ARHGEF40: variants seen among roughly 807,000 people sequenced by gnomAD.
ARHGEF40 encodes Rho guanine nucleotide exchange factor 40, also known as Rho guanine nucleotide exchange factor (GEF) 40.
Under a neutral mutation model 165.9 loss-of-function variants are expected in ARHGEF40, and 98 were observed. The ratio of observed to expected loss-of-function variants is 0.59; its 90% CI spans 0.50 to 0.70. The LOEUF (loss-of-function observed/expected upper bound fraction) is 0.70, where lower values mean the gene tolerates loss of function less well. Ranked by LOEUF, ARHGEF40 falls within the 30% of genes least tolerant of loss-of-function variation. The pLI, the probability that ARHGEF40 is intolerant of heterozygous loss-of-function variation, is 0.00. For synonymous variants in ARHGEF40, 792 were observed against 814.3 expected, an observed-to-expected ratio of 0.97 and a Z score of 0.47; for missense variants, 1,815 against 1,968.0, an observed-to-expected ratio of 0.92 and a Z score of 1.47.
At position 21,082,912 on chromosome 14, in the gene ARHGEF40, A is replaced by G. The variant is rs781223296; in HGVS notation, c.3568A>G (p.Ser1190Gly). 6.2e-7 allele frequency: 1 copy of G among 1,614,126 alleles called. No homozygotes were observed. Among genetic ancestry groups the G allele is most frequent in the Non-Finnish European group, 8.5e-7 (1 of 1,179,958 alleles). The stretch of plus-strand genomic sequence containing the variant: ...TGGTCTGGCTGCGCTCAGTCCCTTA[A>G]GCAAGGTAACTTTTTCTCCAACCTT... ...ENGLAALSPLSKGSMEAGPYL... is the reference protein window; with the variant it reads ...ENGLAALSPLGKGSMEAGPYL... Residue 1190 changes from serine (S) to glycine (G), a missense_variant, in exon 16 of 24, where the codon AGC (serine) becomes GGC (glycine). Transcript: ENST00000298694.
Position 21,075,016 on chromosome 14 carries a change from A to T in ARHGEF40, c.1286A>T (p.His429Leu), listed in dbSNP as rs1887289245. 1 of 1,613,732 alleles carries T rather than the reference A, an allele frequency of 6.2e-7. No homozygotes were observed. Among genetic ancestry groups the T allele is most frequent in the African/African-American group, 1.3e-5 (1 of 74,906 alleles). The stretch of plus-strand genomic sequence containing the variant: ...AGTGAGCACAAGCTTCCAGAATGCC[A>T]CCTGGTTAAGGAGGAATATGAAGGC... ...SPSEHKLPEC[H>L]LVKEEYEGSG... Residue 429 changes from histidine (H) to leucine (L), a missense_variant, in exon 3 of 24, where the codon CAC becomes CTC. Coordinates refer to ENST00000298694, the MANE Select transcript of ARHGEF40 (RefSeq NM_018071.5). The surrounding 1 kb of genome is among the most constrained non-coding windows in gnomAD (Gnocchi z 4.5).
chr14:21,079,077 G>T lies in ARHGEF40; in HGVS notation c.2373+67G>T, dbSNP rs1004177453. 6 of 1,544,982 alleles carry T rather than the reference G, an allele frequency of 3.9e-6. No homozygotes were observed. The African/African-American group carries it at 5.4e-5, about 14-fold the overall frequency. On this transcript the variant is annotated intron_variant, in intron 11 of 23. Coordinates refer to ENST00000298694, the MANE Select transcript of ARHGEF40 (RefSeq NM_018071.5). ...TGTGGCCTCCAGCACCTTTCCCGTTGGTACTTATAGTTGATGGTGTTCTTC... is the reference window on the plus strand; with the variant it reads ...TGTGGCCTCCAGCACCTTTCCCGTTTGTACTTATAGTTGATGGTGTTCTTC...
rs777535115 is a variant in ARHGEF40, at chr14:21,074,539, C to T, written c.809C>T (p.Thr270Met). The T allele has an allele frequency of 3.6e-5, 56 of 1,550,532 alleles. 1 individual carries two copies. The Admixed American group carries it at 9.5e-4, about 26-fold the overall frequency. ...TCCCCAGGCCTCTCCAGAGTCCGGA[C>T]GGTACCCACCCGCAAGGGCGCTGGA... ...EGSPGLSRVRTVPTRKGAGGK... is the reference protein window; with the variant it reads ...EGSPGLSRVRMVPTRKGAGGK... Residue 270 changes from threonine to methionine, a missense_variant, in exon 3 of 24, where the codon ACG (threonine) becomes ATG (methionine). Transcript: ENST00000298694. The surrounding 1 kb of genome is among the most constrained non-coding windows in gnomAD (Gnocchi z 4.8).
Position 21,070,682 on chromosome 14 carries a change from G to A in ARHGEF40, c.3+283G>A, listed in dbSNP as rs1886703885. The A allele has an allele frequency of 1.1e-6, 1 of 926,346 alleles. No individual in the cohort carries two copies. Among genetic ancestry groups the A allele is most frequent in the Non-Finnish European group, 1.6e-6 (1 of 627,626 alleles). The allele number at this position is 926,346 out of a possible 1,614,324, so 57.4% of individuals were successfully genotyped here. ...TAATCCACACACCTCCCCGCTCCCC[G>A]CCCTCCTCTGTCCTGACCTGTGCCT... On this transcript the variant is annotated intron_variant, in intron 1 of 23. Transcript: ENST00000298694. This position sits in a 1 kb window ranked among gnomAD's most constrained non-coding sequence, Gnocchi z 4.7.
the ARHGEF40 span, among the ~76,000 whole-genome samples, chr14:21,063,441 T>C: frequency 6.6e-6 from 1 of 152,180 alleles, no homozygotes; most frequent in African/African-American, 2.4e-5. Context: ...CTTGGGGTTA[T>C]TTGGAGGCAA....
upstream of ARHGEF40, among the ~76,000 whole-genome samples, chr14:21,065,431 C>T (rs191977783): frequency 6.6e-5 from 10 of 152,262 alleles, no homozygotes; most frequent in Admixed American, 1.3e-4. Flanking sequence ...GGGAACTGGT[C>T]AGACACTAGC....
rs911496795 is a variant in ARHGEF40, at chr14:21,070,952, A to C, written c.3+553A>C. The stretch of plus-strand genomic sequence containing the variant: ...TCCCGGGGCATGGCCAAAGAGGGAA[A>C]TTCCCGCAGAGAAAAAGAGCTGCCT... On this transcript the variant is annotated intron_variant, in intron 1 of 23. Transcript: ENST00000298694. The surrounding 1 kb of genome is among the most constrained non-coding windows in gnomAD (Gnocchi z 4.7). 2.4e-6 allele frequency: 3 copies of C among 1,255,178 alleles called. No homozygotes were observed. The highest frequency in any genetic ancestry group is 3.4e-6 in the Non-Finnish European group (3 of 895,020). The allele number at this position is 1,255,178 out of a possible 1,614,324, so 77.8% of individuals were successfully genotyped here.
Position 21,082,423 on chromosome 14 carries a change from A to G in ARHGEF40, c.3431A>G (p.Glu1144Gly). 4.3e-6 allele frequency: 7 copies of G among 1,609,804 alleles called. No homozygotes were observed. The highest frequency in any genetic ancestry group is 5.9e-6 in the Non-Finnish European group (7 of 1,178,050). ...RSFHRTHFLRELQGCATHPLR... is the reference protein window; with the variant it reads ...RSFHRTHFLRGLQGCATHPLR... The stretch of plus-strand genomic sequence containing the variant: ...TTCCACCGGACACACTTTCTGCGGG[A>G]GCTTCAGGGCTGCGCCACCCACCCC... The change falls in exon 15 of 24, where the codon GAG (glutamate) becomes GGG (glycine). Residue 1144 changes from glutamate to glycine, a missense_variant. Physicochemically the swap from Glu to Gly is moderately conservative, Grantham distance 98. Coordinates refer to ENST00000298694, the MANE Select transcript of ARHGEF40 (RefSeq NM_018071.5).
rs1383853091 is a variant in ARHGEF40, at chr14:21,087,459, C to G, written c.4383C>G (p.Ser1461=). 31 of 1,600,506 alleles carry G rather than the reference C, an allele frequency of 1.9e-5. No individual in the cohort carries two copies. The highest frequency in any genetic ancestry group is 2.6e-5 in the Non-Finnish European group (31 of 1,179,904). ...GGGATCTGGACGTCAAGCAAATTTC[C>G]CTGGGTGAGGCACCTCTCAAGGGGT... ...EAWDLDVKQI[S]LAPETLDSSG... is the part of the protein sequence containing the mutation. The change falls in exon 21 of 24, where the codon TCC becomes TCG. Residue 1461 remains serine, a synonymous_variant. Coordinates refer to ENST00000298694, the MANE Select transcript of ARHGEF40 (RefSeq NM_018071.5).
the ARHGEF40 span, among the ~76,000 whole-genome samples, chr14:21,061,356 C>A: frequency 6.6e-6 from 1 of 152,136 alleles, no homozygotes; most frequent in Non-Finnish European, 1.5e-5. Flanking sequence ...CTAATTATAT[C>A]CAAACAAGTG....
At position 21,075,691 on chromosome 14, in the gene ARHGEF40, G is replaced by T; in HGVS notation, c.1665G>T (p.Pro555=). The T allele has an allele frequency of 6.2e-7, 1 of 1,613,718 alleles. No homozygotes were observed. Among genetic ancestry groups the T allele is most frequent in the Non-Finnish European group, 8.5e-7 (1 of 1,179,962 alleles). The change falls in exon 5 of 24, where the codon CCG becomes CCT. Residue 555 remains proline (P), a synonymous_variant. Transcript: ENST00000298694. The surrounding 1 kb of genome is among the most constrained non-coding windows in gnomAD (Gnocchi z 4.5). ...SGRALLTITP[P]CPPEEPPPSR... ...GAGCTCTGCTGACCATTACCCCACC[G>T]TGCCCTCCTGAGGAGCCCCCACCCT...
At chr14:21,061,733 C>T in the ARHGEF40 span, among the ~76,000 whole-genome samples, 1 of 152,130 alleles carries the variant, frequency 6.6e-6, no homozygotes, top group African/African-American at 2.4e-5. Context: ...CAACACATAG[C>T]GTTAACATGT....
In ARHGEF40 at chr14:21,082,088, A is replaced by AC. The variant is rs767120148; in HGVS notation, c.3226dup (p.Arg1076ProfsTer17). 6.4e-7 allele frequency: 1 copy of AC among 1,560,888 alleles called. No individual in the cohort carries two copies. On this transcript the variant is annotated frameshift_variant, in exon 14 of 24. Transcript: ENST00000298694. LOFTEE classifies it high-confidence loss of function. ...GCCAGACGGACCCTGGGGAGTAGGC[A>AC]CCCCCCGGATGGAGCGCAAGCGAAG...
In ARHGEF40 at chr14:21,088,034, C is replaced by A. The variant is rs145078286; in HGVS notation, c.4454C>A (p.Pro1485His). Residue 1485 changes from proline (P) to histidine (H), a missense_variant, in exon 22 of 24, where the codon CCC becomes CAC. Pro to His is a moderately conservative substitution (Grantham distance 77). Transcript: ENST00000298694. Reference sequence around the variant, plus strand: ...CCAAGAAACAGCCCCAGCCTGCAACCCCCCCACCCTGGGAGCAGCACTCCC... The same window carrying A: ...CCAAGAAACAGCCCCAGCCTGCAACACCCCCACCCTGGGAGCAGCACTCCC... ...PGPRNSPSLQ[P>H]PHPGSSTPTL... 60 of 1,614,016 alleles carry A rather than the reference C, an allele frequency of 3.7e-5. No individual in the cohort carries two copies. In the African/African-American group the frequency reaches 7.5e-4, roughly 20 times the overall value.
chr14:21,070,439 T>C lies in ARHGEF40; in HGVS notation c.3+40T>C. ...GCAGCCCCCTGGGTCCCCTCGGCCT[T>C]CGCGCAGCCCGCTCCGGGCCCCCAA... is the stretch of plus-strand genomic sequence containing the variant. On this transcript the variant is annotated intron_variant, in intron 1 of 23. Transcript: ENST00000298694. This position sits in a 1 kb window ranked among gnomAD's most constrained non-coding sequence, Gnocchi z 4.7. The C allele has an allele frequency of 1.5e-6, 2 of 1,376,132 alleles. No homozygotes were observed. The highest frequency in any genetic ancestry group is 1.9e-6 in the Non-Finnish European group (2 of 1,072,068). 85.2% of individuals were successfully genotyped at this position (1,376,132 alleles called of 1,614,324 possible).
chr14:21,065,179 AAAAC>A, the ARHGEF40 span, among the ~76,000 whole-genome samples: 1,619 of 151,970 alleles, frequency 0.011, 35 homozygotes, highest in East Asian at 0.093. Context: ...CAAAAAAAAA[AAAAC>A]AAACAACAAC....
At chr14:21,063,679 A>G in the ARHGEF40 span, among the ~76,000 whole-genome samples, 12 of 152,208 alleles carry the variant, frequency 7.9e-5, no homozygotes, top group African/African-American at 2.9e-4. Flanking sequence ...GGGGTCTGCC[A>G]ATGAGAGCTG....
In ARHGEF40 at chr14:21,074,371, G is replaced by C. The variant is rs745862444; in HGVS notation, c.641G>C (p.Ser214Thr). ...CCCTCTGGACCTCCAGGGCTTCCCA[G>C]CCCTCCACTTCCTGAGGAGGCGCTG... The part of the protein sequence containing the change: ...ELPSGPPGLP[S>T]PPLPEEALGT... The change falls in exon 3 of 24, where the codon AGC becomes ACC. Residue 214 changes from serine (S) to threonine (T), a missense_variant. Physicochemically the swap from Ser to Thr is moderately conservative, Grantham distance 58. Transcript: ENST00000298694. The surrounding 1 kb of genome is among the most constrained non-coding windows in gnomAD (Gnocchi z 4.8). 1 of 1,613,480 alleles carries C rather than the reference G, an allele frequency of 6.2e-7. No individual in the cohort carries two copies. Among genetic ancestry groups the C allele is most frequent in the Non-Finnish European group, 8.5e-7 (1 of 1,179,682 alleles).
At position 21,089,444 on chromosome 14, in the gene ARHGEF40, GC is replaced by G. The variant is rs1888648770; in HGVS notation, c.*437del. 1 of 153,038 alleles carries G rather than the reference GC, an allele frequency of 6.5e-6. No individual in the cohort carries two copies. The highest frequency in any genetic ancestry group is 2.4e-5 in the African/African-American group (1 of 41,460). The allele number at this position is 153,038 out of a possible 1,614,324, so 9.5% of individuals were successfully genotyped here. On this transcript the variant is annotated 3_prime_UTR_variant, in exon 24 of 24. Transcript: ENST00000298694. ...ATTCTGAGGTGTCACAAGCAATGAA[GC>G]TATGCAAACAATAGGAGGGTGTGAC...
Sources: allele counts gnomAD v4.1 joint callset (sites outside exome capture counted in the v4.1 genomes callset), GRCh38; gene constraint gnomAD v4.1.1; non-coding constraint Gnocchi (gnomAD v3.1); transcripts MANE v1.5; gene names NCBI Gene and HGNC (gene_info 2026-07-23, HGNC 2026-07-21).